LMO7: variants seen among roughly 807,000 people sequenced by gnomAD.
LMO7 encodes the protein LIM domain only protein 7.
Under a neutral mutation model 206.5 loss-of-function variants are expected in LMO7, and 120 were observed. That is an observed-to-expected ratio of 0.58 (90% CI 0.50 to 0.68). The LOEUF is 0.68. LMO7 is among the 30% of genes least tolerant of loss of function. LMO7 has a pLI of 0.00. For missense variants in LMO7, 1,959 were observed against 1,957.9 expected, an observed-to-expected ratio of 1.00 and a Z score of -0.01; for synonymous variants, 706 against 681.5, an observed-to-expected ratio of 1.04 and a Z score of -0.56.
At chr13:75,764,746 C>T (rs2048633604) in intron 4 of LMO7, among the ~76,000 whole-genome samples, 1 of 152,108 alleles carries the variant, frequency 6.6e-6, no homozygotes, top group Non-Finnish European at 1.5e-5. Flanking sequence ...CTTACCATTC[C>T]AATCCAGTTT....
intron 2 of LMO7, among the ~76,000 whole-genome samples, chr13:75,628,863 T>C (rs1407429642): frequency 3.3e-5 from 5 of 152,238 alleles, no homozygotes; most frequent in African/African-American, 9.6e-5. Flanking sequence ...TCATCCTAAC[T>C]CCTCTCCACC....
chr13:75,673,338 A>G (rs1168144661), intron 1 of LMO7, among the ~76,000 whole-genome samples: 1 of 152,204 alleles, frequency 6.6e-6, no homozygotes, highest in Non-Finnish European at 1.5e-5. Flanking sequence ...GTGTCTTCCC[A>G]GACACCCTTG....
At chr13:75,636,878 G>T (rs1263769864) in intron 1 of LMO7, among the ~76,000 whole-genome samples, 152 bp downstream of exon 1, 1 of 152,212 alleles carries the variant, frequency 6.6e-6, no homozygotes, top group Non-Finnish European at 1.5e-5. Flanking sequence ...CACTTTTGGG[G>T]ACTCTGCGGG....
chr13:75,627,233 C>T (rs1162800669), intron 2 of LMO7: 1 of 152,088 alleles, frequency 6.6e-6, no homozygotes, highest in African/African-American at 2.4e-5. Context: ...CTTTCACTTT[C>T]AGTACAGTAG....
chr13:75,749,184 G>A (rs755087144), intron 3 of LMO7, among the ~76,000 whole-genome samples: 32 of 152,310 alleles, frequency 2.1e-4, no homozygotes, highest in Non-Finnish European at 4.4e-4. Context: ...GCTAAAGATC[G>A]TTGGGACAGG....
chr13:75,823,767 A>G lies in LMO7; in HGVS notation c.2843A>G (p.Gln948Arg). 2 of 1,614,126 alleles carry G rather than the reference A, an allele frequency of 1.2e-6. No individual in the cohort carries two copies. The highest frequency in any genetic ancestry group is 1.7e-6 in the Non-Finnish European group (2 of 1,179,986). The change falls in exon 15 of 31, where the codon CAG becomes CGG. Residue 948 changes from glutamine to arginine, a missense_variant. Physicochemically the swap from Gln to Arg is conservative, Grantham distance 43 (BLOSUM62 1). Transcript: ENST00000377534. ...CCCTTCTCATCTCTTTCCCAAGACC[A>G]GGCTGCCACTTCTAAAGCCACATTG... Reference protein sequence around the residue: ...TSPFSSLSQDQAATSKATLSS... With the variant: ...TSPFSSLSQDRAATSKATLSS...
chr13:75,752,815 T>G (rs568664888), intron 3 of LMO7, among the ~76,000 whole-genome samples: 12 of 152,250 alleles, frequency 7.9e-5, no homozygotes, highest in African/African-American at 2.9e-4. Context: ...TACCACATTT[T>G]ATTTATCCAG....
chr13:75,681,718 G>GTGTA (rs1270207162), intron 1 of LMO7, among the ~76,000 whole-genome samples: 17 of 104,564 alleles, frequency 1.6e-4, no homozygotes, highest in African/African-American at 4.7e-4. Flanking sequence ...ATATATATAT[G>GTGTA]TATATATATA....
In LMO7 at chr13:75,804,485, T is replaced by C; in HGVS notation, c.858T>C (p.Asp286=). The change falls in exon 8 of 31, where the codon GAT becomes GAC. Residue 286 remains aspartate (D), a synonymous_variant. Transcript: ENST00000377534. ...AGAAAAAGCCAGACAAACATGAGGA[T>C]AACAGAAGAAGTTGGGCAAGCCCGG... The part of the protein sequence containing the change: ...LRKKKPDKHE[D]NRRSWASPVY... 1 of 1,614,170 alleles carries C rather than the reference T, an allele frequency of 6.2e-7. No individual in the cohort carries two copies. The highest frequency in any genetic ancestry group is 8.5e-7 in the Non-Finnish European group (1 of 1,180,004).
intron 2 of LMO7, among the ~76,000 whole-genome samples, chr13:75,717,122 G>A (rs1458808794): frequency 6.6e-6 from 1 of 151,878 alleles, no homozygotes; most frequent in Non-Finnish European, 1.5e-5. Context: ...CCTGCACTTT[G>A]GGAGTCCGAG....
At chr13:75,828,024 G>C (rs1014984147) in intron 15 of LMO7, among the ~76,000 whole-genome samples, 2 of 152,192 alleles carry the variant, frequency 1.3e-5, no homozygotes, top group Admixed American at 6.5e-5. Context: ...CTCACTGTCA[G>C]CGCAGTGTCT....
intron 4 of LMO7, among the ~76,000 whole-genome samples, chr13:75,785,342 CAA>C (rs1253375360): frequency 3.3e-5 from 5 of 152,036 alleles, no homozygotes; most frequent in African/African-American, 9.7e-5. Context: ...GTAACCTTGG[CAA>C]AGTTTCTTAA....
intron 3 of LMO7, among the ~76,000 whole-genome samples, chr13:75,737,795 A>AAACAAAAAC (rs1162450164): frequency 1.6e-5 from 2 of 127,016 alleles, no homozygotes; most frequent in Admixed American, 7.7e-5. Flanking sequence ...AAAAAAAAAA[A>AAACAAAAAC]AAAAAACTTT....
intron 1 of LMO7, among the ~76,000 whole-genome samples, chr13:75,691,997 C>G (rs1010395157): frequency 3.9e-5 from 6 of 152,142 alleles, no homozygotes; most frequent in Non-Finnish European, 7.3e-5. Flanking sequence ...TTAGTAATTT[C>G]CTGGGGAGGC....
intron 3 of LMO7, among the ~76,000 whole-genome samples, chr13:75,734,826 G>A (rs2045635758): frequency 6.6e-6 from 1 of 152,202 alleles, no homozygotes; most frequent in South Asian, 2.1e-4. Flanking sequence ...TAGGCCGGGT[G>A]TGGTGGCTCA....
At chr13:75,807,366 C>A in intron 9 of LMO7, 114 bp from the exon 10 acceptor site, 1 of 1,051,922 alleles carries the variant, frequency 9.5e-7, no homozygotes, top group Non-Finnish European at 1.4e-6. Flanking sequence ...AATGATTTAC[C>A]CTCAGTAACT....
chr13:75,633,654 T>TA (rs976644429), upstream of LMO7, among the ~76,000 whole-genome samples: 14 of 152,002 alleles, frequency 9.2e-5, no homozygotes, highest in South Asian at 4.2e-4. Flanking sequence ...TCTTTTGGGT[T>TA]AAAAAAAGAT....
intron 2 of LMO7, among the ~76,000 whole-genome samples, chr13:75,720,511 A>C (rs2043931554): frequency 6.6e-6 from 1 of 152,176 alleles, no homozygotes; most frequent in South Asian, 2.1e-4. Context: ...ATTGTTGAGA[A>C]GGGTGTAAGG....
intron 23 of LMO7, 138 bp downstream of exon 23, chr13:75,841,339 G>A (rs2059543943): frequency 1.6e-6 from 1 of 641,464 alleles, no homozygotes; most frequent in East Asian, 2.8e-5. Context: ...AATACAATGA[G>A]CTCTGATTTG....
Sources: allele counts gnomAD v4.1 joint callset (sites outside exome capture counted in the v4.1 genomes callset), GRCh38; gene constraint gnomAD v4.1.1; transcripts MANE v1.5; gene names NCBI Gene and HGNC (gene_info 2026-07-23, HGNC 2026-07-21).